The following SPEN variants were observed in gnomAD, a reference collection of about 807,000 sequenced individuals.
SPEN encodes the protein msx2-interacting protein.
A neutral mutation model predicts 269.9 loss-of-function variants in SPEN; 18 were observed. That is an observed-to-expected ratio of 0.07 (90% CI 0.05 to 0.10). The LOEUF is 0.10. Among genes scored for constraint, SPEN ranks in the 10% least tolerant of loss-of-function variants. The pLI is 1.00. For synonymous variants in SPEN, 1,726 were observed against 1,765.7 expected (o/e 0.98, Z 0.56); for missense variants, 3,822 against 4,631.2 (o/e 0.83, Z 5.07).
intron 1 of SPEN, among the ~76,000 whole-genome samples, chr1:15,865,087 T>G (rs1181231601): frequency 6.6e-6 from 1 of 152,132 alleles, no homozygotes; most frequent in Admixed American, 6.5e-5. Flanking sequence ...AGTCTCACTC[T>G]GTCGCCCGGG....
At chr1:15,873,803 A>G in intron 2 of SPEN, 1 of 1,022,640 alleles carries the variant, frequency 9.8e-7, no homozygotes, top group African/African-American at 1.7e-5. Context: ...GATGTTTCCT[A>G]AATCCTGGAA....
chr1:15,932,951 A>T lies in SPEN; in HGVS notation c.6711A>T (p.Pro2237=). 1 of 1,614,106 alleles carries T rather than the reference A, an allele frequency of 6.2e-7. No homozygotes were observed. ...SGEPENFPAP[P]PYPGESQTDL... is the part of the protein sequence containing the mutation. ...AGCCAGAAAACTTCCCAGCACCTCC[A>T]CCTTATCCTGGAGAATCCCAGACAG... is the stretch of plus-strand genomic sequence containing the variant. Residue 2237 remains proline, a synonymous_variant, in exon 11 of 15, where the codon CCA becomes CCT. Coordinates refer to ENST00000375759, the MANE Select transcript of SPEN (RefSeq NM_015001.3). This position sits in a 1 kb window ranked among gnomAD's most constrained non-coding sequence, Gnocchi z 4.2.
chr1:15,848,285 C>T lies in SPEN; in HGVS notation c.83+135C>T, dbSNP rs936628814. The T allele has an allele frequency of 4.3e-6, 2 of 463,140 alleles. No homozygotes were observed. Among genetic ancestry groups the T allele is most frequent in the African/African-American group, 2.1e-5 (1 of 48,206 alleles). The allele number at this position is 463,140 out of a possible 1,614,324, so 28.7% of individuals were successfully genotyped here. A position where few individuals can be genotyped will look rare whatever the true frequency, so the allele number is the denominator to read the frequency against. On this transcript the variant is annotated intron_variant, in intron 1 of 14. Coordinates refer to ENST00000375759, the MANE Select transcript of SPEN (RefSeq NM_015001.3). This position sits in a 1 kb window ranked among gnomAD's most constrained non-coding sequence, Gnocchi z 5.1. Reference sequence around the variant, plus strand: ...CGGACCCACGGGCGCTGTGGGACCTCGTCAGCCGCTCGGCCCGCGTCGCGG... The same window carrying T: ...CGGACCCACGGGCGCTGTGGGACCTTGTCAGCCGCTCGGCCCGCGTCGCGG...
chr1:15,930,339 A>C lies in SPEN; in HGVS notation c.4099A>C (p.Lys1367Gln). ...CATAATTAAGAGAGATAGCCTTCGA[A>C]AAAGGTCTGTACGAGATCTGGAACC... Reference protein sequence around the residue: ...NSIIKRDSLRKRSVRDLEPGE... With the variant: ...NSIIKRDSLRQRSVRDLEPGE... Residue 1367 changes from lysine (K) to glutamine (Q), a missense_variant, in exon 11 of 15, where the codon AAA (lysine) becomes CAA (glutamine). Lys to Gln is a moderately conservative substitution (Grantham distance 53, BLOSUM62 1). Transcript: ENST00000375759. The surrounding 1 kb of genome is among the most constrained non-coding windows in gnomAD (Gnocchi z 5.3). The C allele has an allele frequency of 6.2e-7, 1 of 1,613,874 alleles. No individual in the cohort carries two copies. Among genetic ancestry groups the C allele is most frequent in the Non-Finnish European group, 8.5e-7 (1 of 1,179,786 alleles).
intron 3 of SPEN, among the ~76,000 whole-genome samples, chr1:15,877,125 A>G (rs2070638922): frequency 6.6e-6 from 1 of 152,228 alleles, no homozygotes; most frequent in African/African-American, 2.4e-5. Flanking sequence ...CAATGACTAG[A>G]TCAACTTATG....
chr1:15,879,693 C>G (rs113577827), intron 3 of SPEN, among the ~76,000 whole-genome samples: 1 of 148,322 alleles, frequency 6.7e-6, no homozygotes, highest in Non-Finnish European at 1.5e-5. Flanking sequence ...TTTTTTGAGG[C>G]GGAGTCTCGC....
chr1:15,919,180 T>C (rs2071093599), intron 7 of SPEN, 129 bp downstream of exon 7: 2 of 827,658 alleles, frequency 2.4e-6, no homozygotes, highest in Non-Finnish European at 3.7e-6. Flanking sequence ...AAAAGTGATA[T>C]ACTTCTTTGC....
chr1:15,858,669 C>T (rs1422102393), intron 1 of SPEN, among the ~76,000 whole-genome samples: 1 of 152,198 alleles, frequency 6.6e-6, no homozygotes, highest in African/African-American at 2.4e-5. Flanking sequence ...GGTGCAGTGG[C>T]TCTTGCCTGT....
intron 3 of SPEN, 23 bp downstream of exon 3, chr1:15,876,701 T>G: frequency 6.5e-7 from 1 of 1,545,652 alleles, no homozygotes; most frequent in Non-Finnish European, 8.9e-7. Flanking sequence ...CCTTTTGTTA[T>G]AACAGATGAG....
At chr1:15,858,235 T>C (rs1184809262) in intron 1 of SPEN, among the ~76,000 whole-genome samples, 1 of 130,690 alleles carries the variant, frequency 7.7e-6, no homozygotes, top group Non-Finnish European at 1.6e-5. Flanking sequence ...ATTACAGGCA[T>C]GAGTCACTGG....
chr1:15,917,308 G>A (rs1380133886), intron 6 of SPEN, among the ~76,000 whole-genome samples: 2 of 152,290 alleles, frequency 1.3e-5, no homozygotes, highest in East Asian at 3.9e-4. Flanking sequence ...GGTACAAGAA[G>A]TTTTCTGTTC....
In SPEN at chr1:15,931,659, G is replaced by T; in HGVS notation, c.5419G>T (p.Val1807Phe). The stretch of plus-strand genomic sequence containing the variant: ...GCCCCCAGCTTCTGAAGATTTAGAG[G>T]TTGATCCTCCAGTTGCTGCAAAGGA... ...SQPPASEDLE[V>F]DPPVAAKDKK... is the part of the protein sequence containing the mutation. Residue 1807 changes from valine to phenylalanine, a missense_variant, in exon 11 of 15, where the codon GTT becomes TTT. By Grantham distance (50) the Val-to-Phe change is conservative. Coordinates refer to ENST00000375759, the MANE Select transcript of SPEN (RefSeq NM_015001.3). This position sits in a 1 kb window ranked among gnomAD's most constrained non-coding sequence, Gnocchi z 4.8. 6.2e-7 allele frequency: 1 copy of T among 1,614,224 alleles called. No individual in the cohort carries two copies. The highest frequency in any genetic ancestry group is 1.3e-5 in the African/African-American group (1 of 75,058).
At chr1:15,908,914 T>C (rs1297066898) in intron 3 of SPEN, among the ~76,000 whole-genome samples, 1 of 152,186 alleles carries the variant, frequency 6.6e-6, no homozygotes, top group Non-Finnish European at 1.5e-5. Flanking sequence ...ATTTCAAAGG[T>C]GTTAAGTGAT....
At chr1:15,915,653 G>A (rs530101326) in intron 5 of SPEN, among the ~76,000 whole-genome samples, 110 of 152,016 alleles carry the variant, frequency 7.2e-4, no homozygotes, top group Non-Finnish European at 1.1e-3. Context: ...TCCCACCTCC[G>A]CTTCCCAAAT....
At chr1:15,877,413 C>T (rs528122610) in intron 3 of SPEN, among the ~76,000 whole-genome samples, 1 of 152,078 alleles carries the variant, frequency 6.6e-6, no homozygotes, top group Non-Finnish European at 1.5e-5. Context: ...GGATTACAAA[C>T]GTGCGCAACC....
At position 15,935,982 on chromosome 1, in the gene SPEN, G is replaced by GCC; in HGVS notation, c.9746_9747dup (p.Val3250ProfsTer35). ...CAAAGCTGCCCCCACCCCCACCCCT[G>GCC]CCCCCGTCCCTGTCCCTGTCCCCCT... On this transcript the variant is annotated frameshift_variant, in exon 11 of 15. Transcript: ENST00000375759. LOFTEE classifies it high-confidence loss of function. This position sits in a 1 kb window ranked among gnomAD's most constrained non-coding sequence, Gnocchi z 7.7. 1.1e-6 allele frequency: 1 copy of GCC among 934,130 alleles called. No homozygotes were observed. 57.9% of individuals were successfully genotyped at this position (934,130 alleles called of 1,614,324 possible).
intron 1 of SPEN, among the ~76,000 whole-genome samples, chr1:15,856,381 A>G (rs1378178732): frequency 6.6e-6 from 1 of 151,986 alleles, no homozygotes. Flanking sequence ...ATTTTTAGTA[A>G]CTTCTTACTG....
At chr1:15,926,450 ATATG>A (rs897838741) in intron 10 of SPEN, among the ~76,000 whole-genome samples, 4 of 152,006 alleles carry the variant, frequency 2.6e-5, no homozygotes, top group Non-Finnish European at 4.4e-5. Flanking sequence ...ATATTTATAA[ATATG>A]TATATTTATA....
At chr1:15,884,499 A>C (rs1175084121) in intron 3 of SPEN, among the ~76,000 whole-genome samples, 1 of 152,180 alleles carries the variant, frequency 6.6e-6, no homozygotes, top group African/African-American at 2.4e-5. Flanking sequence ...GAATGGTGGC[A>C]TTGTATGTAT....
Sources: allele counts gnomAD v4.1 joint callset (sites outside exome capture counted in the v4.1 genomes callset), GRCh38; gene constraint gnomAD v4.1.1; non-coding constraint Gnocchi (gnomAD v3.1); transcripts MANE v1.5; gene names NCBI Gene and HGNC (gene_info 2026-07-23, HGNC 2026-07-21).